Variants in SNX29 observed in about 807,000 individuals in gnomAD.
SNX29 encodes sorting nexin-29.
A neutral mutation model predicts 102.1 loss-of-function variants in SNX29; 78 were observed. That is an observed-to-expected ratio of 0.76 (90% CI 0.64 to 0.92). SNX29 has a LOEUF of 0.92. Among genes scored for constraint, SNX29 ranks in the 40% least tolerant of loss-of-function variants. The probability of loss-of-function intolerance (pLI) is 0.00; values close to 1 mark genes in which losing one functional copy is unlikely to be tolerated. For synonymous variants in SNX29, 580 were observed against 414.5 expected, an observed-to-expected ratio of 1.40 and a Z score of -4.85; for missense variants, 1,280 against 1,061.7, an observed-to-expected ratio of 1.21 and a Z score of -2.86.
chr16:11,996,914 A>C (rs955059687), intron 1 of SNX29, among the ~76,000 whole-genome samples: 1 of 152,154 alleles, frequency 6.6e-6, no homozygotes, highest in African/African-American at 2.4e-5. Flanking sequence ...TCCAGAAAAA[A>C]ATACTAACGG....
intron 13 of SNX29, among the ~76,000 whole-genome samples, chr16:12,147,550 A>G (rs993517246): frequency 6.6e-6 from 1 of 152,190 alleles, no homozygotes; most frequent in African/African-American, 2.4e-5. Flanking sequence ...AAGGTGAACA[A>G]TGGGAAGAGA....
At chr16:12,221,224 G>T (rs1191848961) in intron 14 of SNX29, among the ~76,000 whole-genome samples, 1 of 152,106 alleles carries the variant, frequency 6.6e-6, no homozygotes, top group African/African-American at 2.4e-5. Context: ...GCTGAGTGGG[G>T]AGGGGAGAGA....
At chr16:12,127,483 G>T (rs528876183) in intron 12 of SNX29, among the ~76,000 whole-genome samples, 2 of 147,578 alleles carry the variant, frequency 1.4e-5, no homozygotes, top group Admixed American at 1.4e-4. Context: ...ATGCAGTGGC[G>T]CGATCTCTGC....
intron 8 of SNX29, among the ~76,000 whole-genome samples, chr16:12,055,098 G>A (rs1017755900): frequency 6.6e-6 from 1 of 152,056 alleles, no homozygotes; most frequent in Non-Finnish European, 1.5e-5. Context: ...GAACCAGTGT[G>A]GTGGGGCTGA....
At chr16:12,146,513 G>A (rs1385125071) in intron 13 of SNX29, among the ~76,000 whole-genome samples, 1 of 152,124 alleles carries the variant, frequency 6.6e-6, no homozygotes, top group African/African-American at 2.4e-5. Context: ...TGATCCACCC[G>A]CCTTGGCCTC....
At chr16:12,060,763 G>A in intron 8 of SNX29, 1 of 456,246 alleles carries the variant, frequency 2.2e-6, no homozygotes, top group South Asian at 1.5e-5. Flanking sequence ...TGCTGCAGGG[G>A]CAATTACTCC....
At chr16:12,058,682 C>T (rs540288893) in intron 8 of SNX29, among the ~76,000 whole-genome samples, 5 of 150,712 alleles carry the variant, frequency 3.3e-5, no homozygotes, top group African/African-American at 7.3e-5. Flanking sequence ...TTAGTAGAGA[C>T]GGGGTTTCAC....
intron 20 of SNX29, among the ~76,000 whole-genome samples, chr16:12,544,270 C>G (rs183620029): frequency 2.0e-5 from 3 of 152,312 alleles, no homozygotes; most frequent in East Asian, 1.9e-4. Flanking sequence ...CAACTCAGGA[C>G]TTTACACTCT....
At chr16:12,262,136 C>G (rs1413887901) in intron 14 of SNX29, among the ~76,000 whole-genome samples, 2 of 152,032 alleles carry the variant, frequency 1.3e-5, no homozygotes, top group East Asian at 3.9e-4. Flanking sequence ...GCGCGCGTCC[C>G]CAGCTGAAGT....
In SNX29 at chr16:12,054,346, T is replaced by C. The variant is rs111803019; in HGVS notation, c.1124+2124T>C. ...GTAATGGTTAATTTTGTGTGTCAAC[T>C]TAACTGGGCTGTGGGATGCCCAGAT... On this transcript the variant is annotated intron_variant, in intron 8 of 20. Coordinates refer to ENST00000566228, the MANE Select transcript of SNX29 (RefSeq NM_032167.5). 2.0e-3 allele frequency among the ~76,000 whole-genome samples: 299 copies of C among 152,364 alleles called. 4 individuals are homozygous for C. Among genetic ancestry groups the C allele is most frequent in the African/African-American group, 6.9e-3 (286 of 41,586 alleles).
At chr16:12,240,654 C>T (rs1438402802) in intron 14 of SNX29, among the ~76,000 whole-genome samples, 8 of 125,422 alleles carry the variant, frequency 6.4e-5, no homozygotes, top group African/African-American at 2.2e-4. Flanking sequence ...TGGAGTGCAG[C>T]GGCATGATCT....
intron 18 of SNX29, among the ~76,000 whole-genome samples, chr16:12,454,891 A>C (rs1326823044): frequency 6.6e-6 from 1 of 151,932 alleles, no homozygotes; most frequent in Non-Finnish European, 1.5e-5. Context: ...GACTATAGGC[A>C]TGCACCACCA....
At chr16:12,227,250 T>A (rs1372987377) in intron 14 of SNX29, among the ~76,000 whole-genome samples, 1 of 152,226 alleles carries the variant, frequency 6.6e-6, no homozygotes, top group Non-Finnish European at 1.5e-5. Flanking sequence ...CATGACCGTG[T>A]GGTTAGGAAC....
At chr16:12,291,822 A>T (rs2079806464) in intron 15 of SNX29, among the ~76,000 whole-genome samples, 2 of 152,184 alleles carry the variant, frequency 1.3e-5, no homozygotes, top group African/African-American at 4.8e-5. Context: ...AGCGGATGCC[A>T]TGGTGGCAGA....
In SNX29 at chr16:12,571,564, CCTT is replaced by C. The variant is rs1238030674; in HGVS notation, c.*2938_*2940del. 2.0e-6 allele frequency: 2 copies of C among 1,008,062 alleles called. No individual in the cohort carries two copies. Among genetic ancestry groups the C allele is most frequent in the Non-Finnish European group, 2.4e-6 (2 of 827,800 alleles). The allele number at this position is 1,008,062 out of a possible 1,614,324, so 62.4% of individuals were successfully genotyped here. A position where few individuals can be genotyped will look rare whatever the true frequency, so the allele number is the denominator to read the frequency against. Reference sequence around the variant, plus strand: ...CTGGGAGGAAGAATCCACACCGAATCCTTCTGTCTTCATGGCCTGCTGTGCTGA... The same window carrying C: ...CTGGGAGGAAGAATCCACACCGAATCCTGTCTTCATGGCCTGCTGTGCTGA... On this transcript the variant is annotated 3_prime_UTR_variant, in exon 21 of 21. Transcript: ENST00000566228.
rs1478058561 is a variant in SNX29, at chr16:12,571,833, G to A, written c.*3204G>A. On this transcript the variant is annotated 3_prime_UTR_variant, in exon 21 of 21. Coordinates refer to ENST00000566228, the MANE Select transcript of SNX29 (RefSeq NM_032167.5). The stretch of plus-strand genomic sequence containing the variant: ...TTCCAGCTTCTTTGATTCCCACTTA[G>A]CAGTATGCTCCAATCACGTTGCTGG... 3.8e-6 allele frequency: 4 copies of A among 1,045,782 alleles called. No homozygotes were observed. Among genetic ancestry groups the A allele is most frequent in the African/African-American group, 1.7e-5 (1 of 60,480 alleles). 64.8% of individuals were successfully genotyped at this position (1,045,782 alleles called of 1,614,324 possible). A position where few individuals can be genotyped will look rare whatever the true frequency, so the allele number is the denominator to read the frequency against.
intron 19 of SNX29, among the ~76,000 whole-genome samples, chr16:12,497,954 G>A (rs939749419): frequency 6.6e-6 from 1 of 152,188 alleles, no homozygotes; most frequent in Non-Finnish European, 1.5e-5. Flanking sequence ...CTCAGACAAG[G>A]TTGATTCCCC....
chr16:12,563,072 G>T (rs2078821060), intron 20 of SNX29, among the ~76,000 whole-genome samples: 1 of 152,048 alleles, frequency 6.6e-6, no homozygotes, highest in African/African-American at 2.4e-5. Flanking sequence ...TACTGGAAGA[G>T]AAATCCAGAA....
At chr16:12,516,857 A>C (rs754442113) in intron 19 of SNX29, among the ~76,000 whole-genome samples, 1 of 152,174 alleles carries the variant, frequency 6.6e-6, no homozygotes, top group African/African-American at 2.4e-5. Flanking sequence ...AATTCAGGGA[A>C]ATACAGGGGG....
Sources: gnomAD v4.1 joint callset for allele counts (sites outside exome capture counted in the v4.1 genomes callset) on GRCh38, gnomAD v4.1.1 for gene constraint, MANE v1.5 for transcripts, NCBI Gene and HGNC (gene_info 2026-07-23, HGNC 2026-07-21) for gene names.